EED: variants seen among roughly 807,000 people sequenced by gnomAD.
The protein encoded by EED is embryonic ectoderm development, also known as polycomb protein EED.
A neutral mutation model predicts 61.0 loss-of-function variants in EED; 9 were observed. The observed-to-expected ratio is 0.15, with a 90% CI of 0.09 to 0.26. The LOEUF (loss-of-function observed/expected upper bound fraction) is 0.26, where lower values mean the gene tolerates loss of function less well. Ranked by LOEUF, EED falls within the 10% of genes least tolerant of loss-of-function variation. The probability of loss-of-function intolerance (pLI) is 1.00; values close to 1 mark genes in which losing one functional copy is unlikely to be tolerated. For missense variants in EED, 315 were observed against 542.3 expected, an observed-to-expected ratio of 0.58 and a Z score of 4.16; for synonymous variants, 187 against 174.4, an observed-to-expected ratio of 1.07 and a Z score of -0.57.
At chr11:86,277,483 C>A (rs1300154370) in intron 10 of EED, 1 of 185,726 alleles carries the variant, frequency 5.4e-6, no homozygotes, top group African/African-American at 2.3e-5. Context: ...TAACTGTTTC[C>A]TAGAGAAAAA....
chr11:86,264,645 C>T (rs556537555), intron 7 of EED: 12 of 158,374 alleles, frequency 7.6e-5, no homozygotes, highest in Admixed American at 3.9e-4. Flanking sequence ...TGAAACATAA[C>T]GTTTTTTGCT....
chr11:86,245,086 G>A lies in EED; in HGVS notation c.-144G>A, dbSNP rs1945352860. 3.3e-6 allele frequency: 2 copies of A among 610,858 alleles called. No homozygotes were observed. The highest frequency in any genetic ancestry group is 5.5e-6 in the Non-Finnish European group (2 of 365,850). The allele number at this position is 610,858 out of a possible 1,614,324, so 37.8% of individuals were successfully genotyped here. A position where few individuals can be genotyped will look rare whatever the true frequency, so the allele number is the denominator to read the frequency against. ...GCACGCACGCCCGCCTCGGCGGCTG[G>A]GCGCGATTTGCGACAGTGGGGGGGG... On this transcript the variant is annotated 5_prime_UTR_variant, in exon 1 of 12. Coordinates refer to ENST00000263360, the MANE Select transcript of EED (RefSeq NM_003797.5).
chr11:86,264,573 T>TTA, intron 7 of EED: 1 of 217,124 alleles, frequency 4.6e-6, no homozygotes, highest in Non-Finnish European at 9.0e-6. Flanking sequence ...ATTTCGCAGT[T>TTA]ATTAAAGAAA....
the EED span, among the ~76,000 whole-genome samples, chr11:86,287,113 A>T: frequency 1.2e-4 from 18 of 149,748 alleles, no homozygotes; most frequent in Middle Eastern, 3.4e-3. Flanking sequence ...TTCTTTTTGT[A>T]ATGCTGGTTG....
chr11:86,245,394 T>A, intron 1 of EED, 51 bp downstream of exon 1: 1 of 1,337,076 alleles, frequency 7.5e-7, no homozygotes, highest in Non-Finnish European at 1.0e-6. Context: ...AGTTTTAAAT[T>A]CTTTTAAAAC....
intron 1 of EED, among the ~76,000 whole-genome samples, chr11:86,248,252 A>G (rs937830787): frequency 6.6e-6 from 1 of 152,352 alleles, no homozygotes; most frequent in East Asian, 1.9e-4. Context: ...AAATGGAAGC[A>G]TGGTGGCTGT....
chr11:86,287,570 GT>G, the EED span, among the ~76,000 whole-genome samples: 1 of 152,178 alleles, frequency 6.6e-6, no homozygotes, highest in East Asian at 1.9e-4. Context: ...AGTGAGGGAA[GT>G]GTGTGTGTTT....
At chr11:86,272,277 C>G (rs564303652) in intron 9 of EED, among the ~76,000 whole-genome samples, 32 of 151,104 alleles carry the variant, frequency 2.1e-4, no homozygotes, top group African/African-American at 6.8e-4. Flanking sequence ...CCAGGATGGT[C>G]TCGATCTCCT....
intron 1 of EED, 110 bp from the exon 2 acceptor site, chr11:86,250,186 C>T (rs1945494652): frequency 1.9e-6 from 2 of 1,039,182 alleles, no homozygotes; most frequent in South Asian, 3.6e-5. Flanking sequence ...TTTTTTTCTT[C>T]TTGTAGAAAT....
chr11:86,245,442 GGAGA>G, intron 1 of EED, 99 bp downstream of exon 1: 1 of 985,152 alleles, frequency 1.0e-6, no homozygotes, highest in South Asian at 1.4e-5. Context: ...GTGGGGGGAG[GGAGA>G]GGTGTCACTC....
chr11:86,271,795 T>G (rs1225078924), intron 9 of EED, among the ~76,000 whole-genome samples: 1 of 151,932 alleles, frequency 6.6e-6, no homozygotes, highest in East Asian at 2.0e-4. Flanking sequence ...TTGATTGGTT[T>G]TTTGAATATT....
the EED span, among the ~76,000 whole-genome samples, chr11:86,286,971 CAAAAAAAAAAA>C: frequency 7.3e-5 from 5 of 68,342 alleles, no homozygotes; most frequent in South Asian, 6.6e-4. Flanking sequence ...GACTCCGTCT[CAAAAAAAAAAA>C]AAAAAAAAAA....
intron 5 of EED, among the ~76,000 whole-genome samples, chr11:86,256,844 T>C (rs1324566949): frequency 6.6e-6 from 1 of 152,188 alleles, no homozygotes; most frequent in Non-Finnish European, 1.5e-5. Flanking sequence ...AGGGGTGTTA[T>C]CAAAGGGACC....
chr11:86,274,101 C>CTTTTTTTT (rs375116812), intron 9 of EED, among the ~76,000 whole-genome samples: 2 of 139,396 alleles, frequency 1.4e-5, no homozygotes, highest in Non-Finnish European at 3.2e-5. Flanking sequence ...TGTCTTTTTT[C>CTTTTTTTT]TTTTTTTTTT....
chr11:86,250,543 T>G, intron 2 of EED, 95 bp downstream of exon 2: 1 of 1,321,902 alleles, frequency 7.6e-7, no homozygotes, highest in Non-Finnish European at 9.8e-7. Context: ...TCTGTCAAGT[T>G]GTAAATATTT....
chr11:86,257,741 A>G (rs1945714874), intron 6 of EED, 145 bp downstream of exon 6: 2 of 604,588 alleles, frequency 3.3e-6, no homozygotes, highest in Non-Finnish European at 5.4e-6. Context: ...AACTCACAAA[A>G]AAACACAACC....
chr11:86,259,791 T>C (rs891926712), intron 6 of EED, among the ~76,000 whole-genome samples: 1 of 152,174 alleles, frequency 6.6e-6, no homozygotes, highest in African/African-American at 2.4e-5. Flanking sequence ...ATCAAAACCA[T>C]AATGAAATAC....
In EED at chr11:86,257,465, A is replaced by C. The variant is rs546469534; in HGVS notation, c.553-50A>C. ...ATTCTCTAAAGATTTATGAAAAAAA[A>C]TTTACTGATTTTGAGATAGGAAACT... On this transcript the variant is annotated intron_variant, in intron 5 of 11. Transcript: ENST00000263360. 268 of 1,463,944 alleles carry C rather than the reference A, an allele frequency of 1.8e-4. 1 individual carries two copies. The highest frequency in any genetic ancestry group is 9.7e-4 in the South Asian group (75 of 77,298). 90.7% of individuals were successfully genotyped at this position (1,463,944 alleles called of 1,614,324 possible).
chr11:86,247,786 A>G (rs1945428116), intron 1 of EED, among the ~76,000 whole-genome samples: 1 of 152,238 alleles, frequency 6.6e-6, no homozygotes, highest in Non-Finnish European at 1.5e-5. Context: ...AATAATGGCA[A>G]AAGGCCAAAG....
Sources: gnomAD v4.1 joint callset for allele counts (sites outside exome capture counted in the v4.1 genomes callset) on GRCh38, gnomAD v4.1.1 for gene constraint, MANE v1.5 for transcripts, NCBI Gene and HGNC (gene_info 2026-07-23, HGNC 2026-07-21) for gene names.